SPAG16: variants seen among roughly 807,000 people sequenced by gnomAD.
SPAG16 encodes sperm associated antigen 16.
SPAG16 carries 86 observed loss-of-function variants against 80.4 expected under a neutral mutation model. The ratio of observed to expected loss-of-function variants is 1.07; its 90% confidence interval spans 0.90 to 1.28. The LOEUF (loss-of-function observed/expected upper bound fraction) is 1.28, where lower values mean the gene tolerates loss of function less well. Ranked by LOEUF, SPAG16 falls within the 50% of genes most tolerant of loss-of-function variation. SPAG16 has a pLI of 0.00. For missense variants in SPAG16, 870 were observed against 765.3 expected (o/e 1.14, Z -1.61); for synonymous variants, 294 against 265.9 (o/e 1.11, Z -1.03).
At chr2:214,160,425 T>C (rs946949241) in intron 15 of SPAG16, among the ~76,000 whole-genome samples, 3 of 152,010 alleles carry the variant, frequency 2.0e-5, no homozygotes, top group Non-Finnish European at 4.4e-5. Context: ...ATTTTCCTTC[T>C]ACTTCTTTTG....
chr2:213,833,971 C>T (rs776721061), intron 10 of SPAG16, among the ~76,000 whole-genome samples: 1 of 152,000 alleles, frequency 6.6e-6, no homozygotes, highest in South Asian at 2.1e-4. Flanking sequence ...AGAATTCCCA[C>T]GTGTTGTGGA....
intron 15 of SPAG16, among the ~76,000 whole-genome samples, chr2:214,301,046 A>G (rs532680356): frequency 6.8e-6 from 1 of 147,650 alleles, no homozygotes; most frequent in South Asian, 2.1e-4. Flanking sequence ...TAATAATAAT[A>G]ATAATAATAA....
chr2:214,144,475 T>G (rs971399367), intron 14 of SPAG16, among the ~76,000 whole-genome samples: 1 of 152,188 alleles, frequency 6.6e-6, no homozygotes, highest in Admixed American at 6.5e-5. Context: ...GATATTCATA[T>G]AGTCATTCTA....
intron 15 of SPAG16, among the ~76,000 whole-genome samples, chr2:214,288,090 C>T (rs115274561): frequency 1.5e-3 from 228 of 152,102 alleles, no homozygotes; most frequent in African/African-American, 5.1e-3. Flanking sequence ...CCCACCCTTC[C>T]AAGCCTCTGG....
intron 12 of SPAG16, among the ~76,000 whole-genome samples, chr2:213,971,407 A>G (rs902484942): frequency 6.6e-6 from 1 of 152,128 alleles, no homozygotes; most frequent in African/African-American, 2.4e-5. Context: ...GTTTTTCCAA[A>G]TTATATCTGC....
At chr2:214,186,567 T>C (rs529395832) in intron 15 of SPAG16, among the ~76,000 whole-genome samples, 162 of 152,140 alleles carry the variant, frequency 1.1e-3, no homozygotes, top group Non-Finnish European at 1.9e-3. Flanking sequence ...ACCATACAGC[T>C]TCCCCCTCCT....
At chr2:214,010,752 C>T (rs1216555146) in intron 12 of SPAG16, among the ~76,000 whole-genome samples, 1 of 146,192 alleles carries the variant, frequency 6.8e-6, no homozygotes, top group African/African-American at 2.7e-5. Context: ...ATATATTAAA[C>T]ACTAGGAAGA....
intron 15 of SPAG16, among the ~76,000 whole-genome samples, chr2:214,382,667 C>G (rs1381229258): frequency 1.3e-5 from 2 of 152,222 alleles, no homozygotes; most frequent in Non-Finnish European, 2.9e-5. Context: ...TCTATGCTCA[C>G]TGAAAGTTTC....
intron 10 of SPAG16, among the ~76,000 whole-genome samples, chr2:213,756,539 T>C (rs2068344268): frequency 6.6e-6 from 1 of 152,200 alleles, no homozygotes; most frequent in Non-Finnish European, 1.5e-5. Context: ...TGCTTATACA[T>C]CTTTGGTGTA....
chr2:213,713,183 A>G (rs1490773217), intron 10 of SPAG16, among the ~76,000 whole-genome samples: 1 of 152,178 alleles, frequency 6.6e-6, no homozygotes, highest in Non-Finnish European at 1.5e-5. Flanking sequence ...CCCAACACGT[A>G]GGGATTATAA....
At chr2:214,248,885 G>T (rs923829065) in intron 15 of SPAG16, among the ~76,000 whole-genome samples, 1 of 152,118 alleles carries the variant, frequency 6.6e-6, no homozygotes, top group Non-Finnish European at 1.5e-5. Context: ...ACGATCTGAT[G>T]ATATAAGTTT....
At chr2:214,217,261 T>C (rs2058455466) in intron 15 of SPAG16, among the ~76,000 whole-genome samples, 1 of 152,232 alleles carries the variant, frequency 6.6e-6, no homozygotes, top group African/African-American at 2.4e-5. Flanking sequence ...TTGCTCTGCA[T>C]ACATTAGGCA....
chr2:213,709,338 T>C (rs1380728372), intron 10 of SPAG16, among the ~76,000 whole-genome samples: 1 of 152,136 alleles, frequency 6.6e-6, no homozygotes, highest in East Asian at 1.9e-4. Flanking sequence ...ATAACGTCTG[T>C]CTATAGGAGG....
intron 10 of SPAG16, among the ~76,000 whole-genome samples, chr2:213,757,719 C>G (rs533982075): frequency 6.6e-6 from 1 of 152,280 alleles, no homozygotes; most frequent in South Asian, 2.1e-4. Context: ...ACCCCTGTAG[C>G]AGGCAGCTGT....
chr2:213,858,283 TG>T (rs2105932047), intron 10 of SPAG16, among the ~76,000 whole-genome samples: 1 of 152,318 alleles, frequency 6.6e-6, no homozygotes, highest in South Asian at 2.1e-4. Context: ...TACATCAATG[TG>T]GCAAACTTCA....
chr2:213,494,256 T>G (rs974234442), intron 10 of SPAG16, among the ~76,000 whole-genome samples: 1 of 152,228 alleles, frequency 6.6e-6, no homozygotes, highest in African/African-American at 2.4e-5. Flanking sequence ...CTTTAAATAC[T>G]TTCCATATGG....
At chr2:214,137,595 C>G (rs777839508) in intron 14 of SPAG16, among the ~76,000 whole-genome samples, 2 of 151,978 alleles carry the variant, frequency 1.3e-5, no homozygotes, top group Non-Finnish European at 2.9e-5. Context: ...TTGTGATATA[C>G]TCTAGTAGTT....
intron 12 of SPAG16, among the ~76,000 whole-genome samples, chr2:213,960,444 T>A: frequency 6.6e-6 from 1 of 152,192 alleles, no homozygotes; most frequent in East Asian, 1.9e-4. Context: ...TTCTAGGCTT[T>A]GTGATTTTTT....
intron 1 of SPAG16, among the ~76,000 whole-genome samples, chr2:213,292,668 AAAAAAAACAAAAAAAAC>A (rs1242817572): frequency 8.9e-5 from 12 of 135,456 alleles, no homozygotes; most frequent in African/African-American, 1.9e-4. Context: ...CGTCTCAAAA[AAAAAAAACAAAAAAAAC>A]AAAAAAAAAC....
Sources: gnomAD v4.1 joint callset for allele counts (sites outside exome capture counted in the v4.1 genomes callset) on GRCh38, gnomAD v4.1.1 for gene constraint, MANE v1.5 for transcripts, NCBI Gene and HGNC (gene_info 2026-07-23, HGNC 2026-07-21) for gene names.